The following MTA3 variants were observed in gnomAD, a reference collection of about 807,000 sequenced individuals.
MTA3 encodes metastasis associated 1 family member 3.
MTA3 carries 34 observed loss-of-function variants against 83.5 expected under a neutral mutation model. The observed-to-expected ratio is 0.41, with a 90% CI of 0.31 to 0.54. The LOEUF (loss-of-function observed/expected upper bound fraction) is 0.54. Among genes scored for constraint, MTA3 ranks in the 20% least tolerant of loss-of-function variants. The pLI is 0.33. For missense variants in MTA3, 761 were observed against 726.4 expected (o/e 1.05, Z -0.55); for synonymous variants, 303 against 252.7 (o/e 1.20, Z -1.89).
intron 2 of MTA3, among the ~76,000 whole-genome samples, chr2:42,576,426 G>C (rs377480570): frequency 6.6e-6 from 1 of 152,160 alleles, no homozygotes; most frequent in African/African-American, 2.4e-5. Flanking sequence ...AATTGGCTAG[G>C]TAGGGAAAGT....
intron 13 of MTA3, among the ~76,000 whole-genome samples, chr2:42,708,563 G>T (rs1188573645): frequency 2.0e-5 from 3 of 151,954 alleles, no homozygotes; most frequent in Admixed American, 6.6e-5. Context: ...GTGCTGACGG[G>T]CTTTCAGGAC....
At chr2:42,570,678 G>T (rs1239062637) in intron 2 of MTA3, among the ~76,000 whole-genome samples, 174 bp downstream of exon 2, 1 of 152,058 alleles carries the variant, frequency 6.6e-6, no homozygotes, top group South Asian at 2.1e-4. Context: ...GTGCAACATA[G>T]TGAGACCCTA....
chr2:42,658,427 G>A (rs1689371664), intron 7 of MTA3, among the ~76,000 whole-genome samples: 1 of 152,088 alleles, frequency 6.6e-6, no homozygotes, highest in Non-Finnish European at 1.5e-5. Flanking sequence ...TCTGTCAGCA[G>A]TAGAGTGGAG....
chr2:42,548,828 T>A (rs1314188780), intron 2 of MTA3, among the ~76,000 whole-genome samples: 4 of 16,108 alleles, frequency 2.5e-4, no homozygotes, highest in Non-Finnish European at 4.3e-4. Flanking sequence ...TATATATATA[T>A]AATATATATA....
intron 4 of MTA3, among the ~76,000 whole-genome samples, chr2:42,633,814 G>A (rs564665999): frequency 2.1e-4 from 31 of 148,952 alleles, no homozygotes; most frequent in Non-Finnish European, 4.6e-4. Flanking sequence ...GCGTGTACCC[G>A]GGAGGCGGAG....
chr2:42,709,954 A>G (rs896649722), intron 14 of MTA3, among the ~76,000 whole-genome samples: 8 of 152,180 alleles, frequency 5.3e-5, no homozygotes, highest in African/African-American at 1.9e-4. Flanking sequence ...CATGTCTCTG[A>G]CAATATGTGT....
intron 9 of MTA3, among the ~76,000 whole-genome samples, chr2:42,684,102 T>C (rs185720079): frequency 1.4e-4 from 21 of 152,326 alleles, no homozygotes; most frequent in African/African-American, 5.1e-4. Flanking sequence ...TACCAGGTCA[T>C]CTTGTCTAAC....
intron 9 of MTA3, among the ~76,000 whole-genome samples, chr2:42,692,033 A>G (rs1692945388): frequency 6.6e-6 from 1 of 152,160 alleles, no homozygotes; most frequent in African/African-American, 2.4e-5. Flanking sequence ...ATTCCCTAAT[A>G]TTATCCCTTT....
At chr2:42,670,028 G>A (rs1690651876) in intron 8 of MTA3, among the ~76,000 whole-genome samples, 1 of 152,242 alleles carries the variant, frequency 6.6e-6, no homozygotes, top group Admixed American at 6.5e-5. Context: ...GTGAGGCCAA[G>A]GCAGGTAGAT....
At chr2:42,617,012 A>G (rs2104154778) in intron 4 of MTA3, among the ~76,000 whole-genome samples, 1 of 152,308 alleles carries the variant, frequency 6.6e-6, no homozygotes, top group Middle Eastern at 3.4e-3. Context: ...TAAATGGAAT[A>G]CTAGACAGAG....
At chr2:42,573,559 G>A (rs1015802943) in intron 2 of MTA3, among the ~76,000 whole-genome samples, 3 of 152,198 alleles carry the variant, frequency 2.0e-5, no homozygotes, top group Non-Finnish European at 4.4e-5. Context: ...TGCCCAGGCT[G>A]GAGTACAATG....
intron 2 of MTA3, among the ~76,000 whole-genome samples, chr2:42,510,907 A>G (rs768515865): frequency 1.1e-4 from 16 of 152,238 alleles, no homozygotes; most frequent in Non-Finnish European, 1.2e-4. Flanking sequence ...TTCAAACTGA[A>G]TGGAAGTTCC....
At chr2:42,549,066 C>T (rs1340322168) in intron 2 of MTA3, among the ~76,000 whole-genome samples, 3 of 134,846 alleles carry the variant, frequency 2.2e-5, no homozygotes, top group South Asian at 2.2e-4. Context: ...CCCAGCTACT[C>T]GGAGGCTGAG....
At chr2:42,538,372 G>A (rs1032065601) in intron 2 of MTA3, among the ~76,000 whole-genome samples, 1 of 152,104 alleles carries the variant, frequency 6.6e-6, no homozygotes, top group African/African-American at 2.4e-5. Flanking sequence ...TAACTTTTCT[G>A]TAGATTTGAG....
intron 6 of MTA3, among the ~76,000 whole-genome samples, chr2:42,655,644 C>G (rs975322382): frequency 1.3e-5 from 2 of 152,138 alleles, no homozygotes; most frequent in African/African-American, 4.8e-5. Flanking sequence ...ACTCTGTCGC[C>G]CAGGTTGGAG....
chr2:42,712,022 C>G (rs1666662685), intron 14 of MTA3, among the ~76,000 whole-genome samples: 1 of 152,082 alleles, frequency 6.6e-6, no homozygotes, highest in South Asian at 2.1e-4. Context: ...TGAGACTCTT[C>G]CAAGCACTGT....
intron 2 of MTA3, among the ~76,000 whole-genome samples, chr2:42,517,175 G>A (rs906375106): frequency 1.3e-5 from 2 of 152,054 alleles, no homozygotes; most frequent in Non-Finnish European, 2.9e-5. Context: ...CAGGAGAATC[G>A]CTTGAACACG....
rs767598363 is a variant in MTA3, at chr2:42,514,682, CTTTTTTT to C, written c.-141+19447_-141+19453del. On this transcript the variant is annotated intron_variant, in intron 2 of 17. Transcript: ENST00000405592. ...GATTACAGGCATGAGCGCCCAGCCC[CTTTTTTT>C]TTTTTTTTTTTTTTTTTTGAGACAG... Among the ~76,000 whole-genome samples the C allele has an allele frequency of 4.7e-3, 254 of 53,488 alleles. 1 individual carries two copies. Among genetic ancestry groups the C allele is most frequent in the African/African-American group, 0.017 (201 of 11,832 alleles). 35.1% of individuals were successfully genotyped at this position (53,488 alleles called of 152,430 possible).
intron 3 of MTA3, among the ~76,000 whole-genome samples, chr2:42,594,677 A>AATATACAT (rs962787879): frequency 7.8e-6 from 1 of 128,376 alleles, no homozygotes; most frequent in Non-Finnish European, 1.6e-5. Context: ...CACATATATA[A>AATATACAT]ATATACATAT....
Sources: gnomAD v4.1 joint callset for allele counts (sites outside exome capture counted in the v4.1 genomes callset) on GRCh38, gnomAD v4.1.1 for gene constraint, MANE v1.5 for transcripts, NCBI Gene and HGNC (gene_info 2026-07-23, HGNC 2026-07-21) for gene names.